The following HIVEP3 variants were observed in gnomAD, a reference collection of about 807,000 sequenced individuals.
HIVEP3 encodes transcription factor HIVEP3.
Under a neutral mutation model 152.8 loss-of-function variants are expected in HIVEP3, and 49 were observed. That is an observed-to-expected ratio of 0.32 (90% CI 0.26 to 0.41). The LOEUF (loss-of-function observed/expected upper bound fraction) is 0.41. Ranked by LOEUF, HIVEP3 falls within the 10% of genes least tolerant of loss-of-function variation. The probability of loss-of-function intolerance (pLI) is 1.00; values close to 1 mark genes in which losing one functional copy is unlikely to be tolerated. For synonymous variants in HIVEP3, 1,269 were observed against 1,289.0 expected (o/e 0.98, Z 0.33); for missense variants, 2,790 against 3,103.3 (o/e 0.90, Z 2.40).
chr1:41,920,697 A>G (rs188193931), upstream of HIVEP3, among the ~76,000 whole-genome samples: 92 of 152,164 alleles, frequency 6.0e-4, no homozygotes, highest in South Asian at 0.015. Context: ...CCGATAATTC[A>G]GAAGGTGATT....
intron 3 of HIVEP3, among the ~76,000 whole-genome samples, chr1:41,586,350 C>T (rs1218984439): frequency 6.6e-6 from 1 of 152,194 alleles, no homozygotes; most frequent in African/African-American, 2.4e-5. Context: ...CTCACCCAAC[C>T]ACCTGACTTT....
At chr1:41,718,980 G>T (rs1201991223) in intron 1 of HIVEP3, among the ~76,000 whole-genome samples, 1 of 152,184 alleles carries the variant, frequency 6.6e-6, no homozygotes, top group Non-Finnish European at 1.5e-5. Flanking sequence ...GATGGACTAG[G>T]ACCCACCAGG....
At chr1:41,838,251 AG>A (rs1361486402) in intron 1 of HIVEP3, among the ~76,000 whole-genome samples, 2 of 152,174 alleles carry the variant, frequency 1.3e-5, no homozygotes, top group African/African-American at 4.8e-5. Context: ...TCACAATATC[AG>A]AATCCACATA....
intron 1 of HIVEP3, among the ~76,000 whole-genome samples, chr1:41,727,789 C>A (rs572573871): frequency 6.6e-6 from 1 of 152,190 alleles, no homozygotes; most frequent in East Asian, 1.9e-4. Flanking sequence ...GGGCTGGAGT[C>A]GTAGTCAGCT....
chr1:41,936,631 C>T (rs1482828900), intron 1 of HIVEP3, among the ~76,000 whole-genome samples: 1 of 152,190 alleles, frequency 6.6e-6, no homozygotes, highest in Admixed American at 6.5e-5. Context: ...GAAAAATTAA[C>T]TCTTGGAATG....
At chr1:41,738,902 G>A (rs1646956281) in intron 1 of HIVEP3, among the ~76,000 whole-genome samples, 1 of 152,192 alleles carries the variant, frequency 6.6e-6, no homozygotes, top group Admixed American at 6.5e-5. Context: ...CCCCAAGAGG[G>A]TAGATTCTAA....
intron 2 of HIVEP3, among the ~76,000 whole-genome samples, chr1:41,643,685 A>C (rs1448559314): frequency 2.0e-5 from 3 of 152,150 alleles, no homozygotes; most frequent in African/African-American, 7.2e-5. Flanking sequence ...TAATGTCAGC[A>C]GGGCAGATGC....
At chr1:41,880,964 A>G (rs763082501) in intron 1 of HIVEP3, among the ~76,000 whole-genome samples, 26 of 152,246 alleles carry the variant, frequency 1.7e-4, no homozygotes, top group Non-Finnish European at 2.8e-4. Context: ...TCTAGTTCTA[A>G]TATAACACTC....
At chr1:41,591,478 T>C (rs1207077256) in intron 3 of HIVEP3, among the ~76,000 whole-genome samples, 1 of 152,052 alleles carries the variant, frequency 6.6e-6, no homozygotes, top group Non-Finnish European at 1.5e-5. Context: ...TGGATCTGAC[T>C]TTATGGGATA....
intron 2 of HIVEP3, among the ~76,000 whole-genome samples, chr1:41,681,612 A>G (rs7551499): frequency 0.034 from 5,227 of 152,232 alleles, 129 homozygotes; most frequent in African/African-American, 0.068. Context: ...TTTCACAGGC[A>G]CAGCTCTCGG....
chr1:41,949,880 G>A (rs1645096387), intron 1 of HIVEP3, among the ~76,000 whole-genome samples: 1 of 152,092 alleles, frequency 6.6e-6, no homozygotes, highest in Non-Finnish European at 1.5e-5. Context: ...CACCCCTCCT[G>A]AGGAAATCTC....
chr1:41,969,714 TAATTA>T (rs1645218913), intron 1 of HIVEP3, among the ~76,000 whole-genome samples: 1 of 152,170 alleles, frequency 6.6e-6, no homozygotes, highest in African/African-American at 2.4e-5. Flanking sequence ...AAATGCGATC[TAATTA>T]AACTAAAGAG....
chr1:41,604,896 G>T (rs1208777642), intron 3 of HIVEP3, among the ~76,000 whole-genome samples: 1 of 151,896 alleles, frequency 6.6e-6, no homozygotes, highest in African/African-American at 2.4e-5. Context: ...TTGAGCCCAG[G>T]AATTCGAGAC....
chr1:41,514,443 C>CAT (rs1395656701), intron 7 of HIVEP3, among the ~76,000 whole-genome samples: 1 of 152,238 alleles, frequency 6.6e-6, no homozygotes, highest in African/African-American at 2.4e-5. Flanking sequence ...TGTACACACA[C>CAT]ATCTGCCACG....
rs115049022 is a variant in HIVEP3 at position 41,511,272 on chromosome 1, G to A, written c.6406-6C>T. On this transcript the variant is annotated splice_polypyrimidine_tract_variant and splice_region_variant and intron_variant, in intron 8 of 8. Transcript: ENST00000372583. The surrounding 1 kb of genome is among the most constrained non-coding windows in gnomAD (Gnocchi z 4.9). ...CTTCGGGACTCGGCCTTCTGCTGGG[G>A]TCAGAAAACAAGACAAGGTAAGGTG... 2.6e-3 allele frequency: 4,186 copies of A among 1,589,496 alleles called. 106 individuals are homozygous for A. The African/African-American group carries it at 0.05, about 19-fold the overall frequency.
At chr1:41,731,382 A>G (rs577015680) in intron 1 of HIVEP3, among the ~76,000 whole-genome samples, 1 of 152,164 alleles carries the variant, frequency 6.6e-6, no homozygotes, top group Non-Finnish European at 1.5e-5. Flanking sequence ...TATGCTCAAC[A>G]CTCAGGGTGA....
intron 3 of HIVEP3, among the ~76,000 whole-genome samples, chr1:41,594,285 T>C (rs1474008766): frequency 1.3e-5 from 2 of 152,184 alleles, no homozygotes; most frequent in Non-Finnish European, 2.9e-5. Context: ...TGCAGTGACT[T>C]GATCTCAGCT....
chr1:41,772,027 C>T (rs1487438589), intron 1 of HIVEP3, among the ~76,000 whole-genome samples: 3 of 152,192 alleles, frequency 2.0e-5, no homozygotes, highest in Admixed American at 6.5e-5. Flanking sequence ...TCAGAGACTC[C>T]CACTTGCCAC....
At position 41,553,016 on chromosome 1, in the gene HIVEP3, G is replaced by A. The variant is rs188962568; in HGVS notation, c.5207+22528C>T. On this transcript the variant is annotated intron_variant, in intron 5 of 8. Transcript: ENST00000372583. ...AGTTCTGTAGATGTCTATTAGGTCC[G>A]CTTGGTGCAGACCTGAGTTCACGTC... Among the ~76,000 whole-genome samples, 64 of 152,294 alleles carry A rather than the reference G, an allele frequency of 4.2e-4. 1 individual carries two copies. The highest frequency in any genetic ancestry group is 1.4e-3 in the African/African-American group (58 of 41,548).
Sources: gnomAD v4.1 joint callset for allele counts (sites outside exome capture counted in the v4.1 genomes callset) on GRCh38, gnomAD v4.1.1 for gene constraint, Gnocchi (gnomAD v3.1) non-coding constraint, MANE v1.5 for transcripts, NCBI Gene and HGNC (gene_info 2026-07-23, HGNC 2026-07-21) for gene names.